NEDD4: variants seen among roughly 807,000 people sequenced by gnomAD.
NEDD4 encodes E3 ubiquitin-protein ligase NEDD4.
In NEDD4, 99 loss-of-function variants were observed where a neutral mutation model predicts 144.9. The ratio of observed to expected loss-of-function variants is 0.68; its 90% CI spans 0.58 to 0.81. NEDD4 has a LOEUF of 0.81. NEDD4 is among the 30% of genes least tolerant of loss of function. The pLI is 0.00. For synonymous variants in NEDD4, 318 were observed against 350.6 expected, an observed-to-expected ratio of 0.91 and a Z score of 1.04; for missense variants, 985 against 1,065.9, an observed-to-expected ratio of 0.92 and a Z score of 1.06.
intron 5 of NEDD4, among the ~76,000 whole-genome samples, chr15:55,880,480 A>G (rs2035148084): frequency 6.6e-6 from 1 of 152,198 alleles, no homozygotes; most frequent in Admixed American, 6.5e-5. Flanking sequence ...CTGCAAAATA[A>G]TGAGAGAAAG....
chr15:55,850,080 G>A (rs369984184), intron 14 of NEDD4, among the ~76,000 whole-genome samples: 7 of 152,182 alleles, frequency 4.6e-5, no homozygotes, highest in Non-Finnish European at 1.0e-4. Context: ...TTACAGGCAT[G>A]AGCCACTGCA....
chr15:55,949,776 G>A (rs902366055), intron 4 of NEDD4, among the ~76,000 whole-genome samples: 3 of 151,908 alleles, frequency 2.0e-5, no homozygotes, highest in Non-Finnish European at 2.9e-5. Context: ...ACAGGAAGGG[G>A]TACGTCACAC....
At chr15:55,990,088 C>T (rs1251966126) in intron 1 of NEDD4, among the ~76,000 whole-genome samples, 1 of 151,732 alleles carries the variant, frequency 6.6e-6, no homozygotes, top group South Asian at 2.1e-4. Context: ...CCGTCACCCA[C>T]ACTTGGGACC....
At chr15:55,964,818 G>A (rs906952572) in intron 2 of NEDD4, among the ~76,000 whole-genome samples, 1 of 151,892 alleles carries the variant, frequency 6.6e-6, no homozygotes, top group East Asian at 1.9e-4. Flanking sequence ...TGAAAGATGG[G>A]TCTCGGTTGG....
At chr15:55,876,369 T>C (rs1334325224) in intron 5 of NEDD4, among the ~76,000 whole-genome samples, 4 of 151,274 alleles carry the variant, frequency 2.6e-5, no homozygotes, top group African/African-American at 9.7e-5. Flanking sequence ...TTTTTTAAGG[T>C]ACCTTCTCAA....
intron 4 of NEDD4, among the ~76,000 whole-genome samples, chr15:55,925,660 G>C (rs1183014734): frequency 6.6e-6 from 1 of 152,010 alleles, no homozygotes; most frequent in African/African-American, 2.4e-5. Context: ...TAAAACATTG[G>C]TGTACATGTC....
chr15:55,915,536 T>C, intron 5 of NEDD4: 1 of 1,614,030 alleles, frequency 6.2e-7, no homozygotes, highest in Non-Finnish European at 8.5e-7. Context: ...TGATATTTAT[T>C]TGACAATCTA....
intron 2 of NEDD4, among the ~76,000 whole-genome samples, chr15:55,964,693 GT>G (rs1422126141): frequency 0.019 from 13 of 694 alleles, no homozygotes; most frequent in East Asian, 0.056. Context: ...TTTGCTGCTG[GT>G]GTGTGTGTGT....
At chr15:55,909,693 C>T (rs1161130881) in intron 5 of NEDD4, among the ~76,000 whole-genome samples, 2 of 152,168 alleles carry the variant, frequency 1.3e-5, no homozygotes, top group Non-Finnish European at 2.9e-5. Context: ...TCCCTGTCAC[C>T]TGTGATGTAA....
chr15:55,965,442 C>T (rs12442990), intron 2 of NEDD4, among the ~76,000 whole-genome samples: 20,398 of 151,886 alleles, frequency 0.13, 1,484 homozygotes, highest in East Asian at 0.32. Context: ...GCTCAAGCAA[C>T]CTGTCTGCCT....
chr15:55,967,974 G>A (rs576482427), intron 1 of NEDD4, among the ~76,000 whole-genome samples: 1 of 152,136 alleles, frequency 6.6e-6, no homozygotes. Flanking sequence ...CTGCACTCCA[G>A]CCTGGGTGAC....
chr15:55,845,977 G>A (rs1408035275), intron 18 of NEDD4, among the ~76,000 whole-genome samples: 1 of 151,502 alleles, frequency 6.6e-6, no homozygotes, highest in African/African-American at 2.4e-5. Flanking sequence ...GTAGAGACGG[G>A]GGTTTCACCA....
chr15:55,958,402 A>G (rs941638057), intron 2 of NEDD4, among the ~76,000 whole-genome samples: 11 of 152,138 alleles, frequency 7.2e-5, no homozygotes, highest in Admixed American at 4.6e-4. Context: ...ATTGCTACAT[A>G]ATGTTTAATT....
At chr15:55,871,376 T>A (rs2034791017) in intron 7 of NEDD4, among the ~76,000 whole-genome samples, 1 of 152,348 alleles carries the variant, frequency 6.6e-6, no homozygotes, top group South Asian at 2.1e-4. Flanking sequence ...AAGTTCTTTC[T>A]ACACTTGCAA....
chr15:55,860,727 A>G lies in NEDD4; in HGVS notation c.726T>C (p.Arg242=), dbSNP rs757487344. The G allele has an allele frequency of 1.2e-6, 2 of 1,614,142 alleles. No homozygotes were observed. Among genetic ancestry groups the G allele is most frequent in the East Asian group, 2.2e-5 (1 of 44,890 alleles). ...ATATCTGCCGCCTGGTGGTAAATGC[A>G]CGTTGTGCTTGCAGTTGAATGTTGC... is the stretch of plus-strand genomic sequence containing the variant. The part of the protein sequence containing the change: ...ENGNIQLQAQ[R]AFTTRRQISE... The change falls in exon 10 of 29, where the codon CGT becomes CGC. Residue 242 remains arginine (R), a synonymous_variant. Coordinates refer to ENST00000435532, the MANE Select transcript of NEDD4 (RefSeq NM_006154.4).
chr15:55,916,978 G>C, intron 5 of NEDD4: 2 of 1,381,462 alleles, frequency 1.4e-6, no homozygotes, highest in Non-Finnish European at 9.3e-7. Flanking sequence ...TTTATCCTAA[G>C]TAAAACATTA....
intron 1 of NEDD4, among the ~76,000 whole-genome samples, chr15:55,981,569 T>C (rs1163467831): frequency 6.6e-6 from 1 of 152,210 alleles, no homozygotes; most frequent in East Asian, 1.9e-4. Context: ...AGCTGGAGTC[T>C]ATGATACCCA....
At chr15:55,888,418 C>T (rs770755836) in intron 5 of NEDD4, among the ~76,000 whole-genome samples, 6 of 151,934 alleles carry the variant, frequency 3.9e-5, no homozygotes, top group African/African-American at 7.2e-5. Context: ...TAACCAAAGA[C>T]GTGAAATATC....
chr15:55,924,679 C>T lies in NEDD4; in HGVS notation c.258G>A (p.Arg86=). The change falls in exon 5 of 29, where the codon CGG becomes CGA. Residue 86 remains arginine, a synonymous_variant. Coordinates refer to ENST00000435532, the MANE Select transcript of NEDD4 (RefSeq NM_006154.4). ...ILFRVHPQQH[R]LLFEVFDENR... is the part of the protein sequence containing the mutation. ...TTTCGTCAAACACTTCAAAAAGAAG[C>T]CGGTGCTGCTGAGGATGAACCTAAG... is the stretch of plus-strand genomic sequence containing the variant. 6.2e-7 allele frequency: 1 copy of T among 1,609,762 alleles called. No homozygotes were observed. The highest frequency in any genetic ancestry group is 2.2e-5 in the East Asian group (1 of 44,808).
Sources: gnomAD v4.1 joint callset for allele counts (sites outside exome capture counted in the v4.1 genomes callset) on GRCh38, gnomAD v4.1.1 for gene constraint, MANE v1.5 for transcripts, NCBI Gene and HGNC (gene_info 2026-07-23, HGNC 2026-07-21) for gene names.